The following LATS2 variants were observed in gnomAD, a reference collection of about 807,000 sequenced individuals.
The protein encoded by LATS2 is large tumor suppressor kinase 2.
In LATS2, 24 loss-of-function variants were observed where a neutral mutation model predicts 76.0. That is an observed-to-expected ratio of 0.32 (90% CI 0.23 to 0.44). The LOEUF (loss-of-function observed/expected upper bound fraction) is 0.44. LATS2 is among the 20% of genes least tolerant of loss of function. LATS2 has a pLI of 1.00. For synonymous variants in LATS2, 692 were observed against 635.4 expected, an observed-to-expected ratio of 1.09 and a Z score of -1.34; for missense variants, 1,286 against 1,481.2, an observed-to-expected ratio of 0.87 and a Z score of 2.16.
At chr13:21,031,910 C>T (rs1247932536) in intron 2 of LATS2, among the ~76,000 whole-genome samples, 1 of 152,164 alleles carries the variant, frequency 6.6e-6, no homozygotes, top group Non-Finnish European at 1.5e-5. Flanking sequence ...TTAATTCTGA[C>T]ACATTTCCCT....
chr13:21,011,017 G>A (rs1871574234), intron 2 of LATS2, among the ~76,000 whole-genome samples: 1 of 152,202 alleles, frequency 6.6e-6, no homozygotes, highest in African/African-American at 2.4e-5. Flanking sequence ...ACTGCTCATT[G>A]GAGTAAAGTC....
intron 4 of LATS2, 58 bp downstream of exon 4, chr13:20,987,823 C>A: frequency 6.4e-7 from 1 of 1,566,722 alleles, no homozygotes. Flanking sequence ...TGCGTGCTTC[C>A]TATTGCCAGT....
chr13:21,030,604 A>AG (rs1387134891), intron 2 of LATS2, among the ~76,000 whole-genome samples: 11 of 70,902 alleles, frequency 1.6e-4, no homozygotes, highest in Non-Finnish European at 3.6e-4. Flanking sequence ...AAAAAAAAAA[A>AG]AAAAAAAGAA....
At chr13:21,033,295 A>AC (rs1872593954) in intron 2 of LATS2, among the ~76,000 whole-genome samples, 1 of 152,054 alleles carries the variant, frequency 6.6e-6, no homozygotes, top group South Asian at 2.1e-4. Flanking sequence ...GGGCGAGAGA[A>AC]CACACGCTCC....
chr13:20,981,373 A>T, intron 6 of LATS2, 93 bp downstream of exon 6: 2 of 1,177,644 alleles, frequency 1.7e-6, no homozygotes, highest in Admixed American at 4.7e-5. Context: ...GACTGGAAGC[A>T]TTAGGTCCTT....
chr13:20,991,235 A>T lies in LATS2; in HGVS notation c.475+37T>A. On this transcript the variant is annotated intron_variant, in intron 3 of 7. Transcript: ENST00000382592. This position sits in a 1 kb window ranked among gnomAD's most constrained non-coding sequence, Gnocchi z 4.9. ...TGGTTTTGTTGTCCTTAAGCCACAA[A>T]CCATCTTTGCCCACTATGCTGCAGG... is the stretch of plus-strand genomic sequence containing the variant. 6.2e-7 allele frequency: 1 copy of T among 1,613,182 alleles called. No individual in the cohort carries two copies. The highest frequency in any genetic ancestry group is 1.6e-4 in the Middle Eastern group (1 of 6,062).
In LATS2 at chr13:20,974,793, C is replaced by T; in HGVS notation, c.*77G>A. ...TTAAAACAAAACAGCCCTCGGCTTC[C>T]CTATTGGCCTGTGAGGGCACCGGCT... is the stretch of plus-strand genomic sequence containing the variant. On this transcript the variant is annotated 3_prime_UTR_variant, in exon 8 of 8. Transcript: ENST00000382592. The T allele has an allele frequency of 1.4e-6, 2 of 1,457,614 alleles. No homozygotes were observed. The highest frequency in any genetic ancestry group is 2.3e-5 in the East Asian group (1 of 43,724). The allele number at this position is 1,457,614 out of a possible 1,614,324, so 90.3% of individuals were successfully genotyped here.
chr13:21,032,229 T>C (rs967730522), intron 2 of LATS2, among the ~76,000 whole-genome samples: 15 of 152,344 alleles, frequency 9.8e-5, no homozygotes, highest in South Asian at 6.2e-4. Context: ...TAAATTCACA[T>C]ACAAACTGAT....
intron 2 of LATS2, among the ~76,000 whole-genome samples, chr13:21,009,205 G>A (rs1235611702): frequency 6.6e-6 from 1 of 152,198 alleles, no homozygotes; most frequent in Non-Finnish European, 1.5e-5. Context: ...AGAAGCAGAT[G>A]TGCAAAGGTA....
intron 2 of LATS2, among the ~76,000 whole-genome samples, chr13:21,024,811 C>T (rs1017657137): frequency 2.0e-5 from 3 of 151,658 alleles, no homozygotes; most frequent in Non-Finnish European, 1.5e-5. Context: ...CTCTTTTTTG[C>T]ACTATGTCTT....
chr13:20,999,492 A>G (rs1870942659), intron 2 of LATS2, among the ~76,000 whole-genome samples: 2 of 151,672 alleles, frequency 1.3e-5, no homozygotes, highest in Non-Finnish European at 2.9e-5. Flanking sequence ...TTTTTTTGAC[A>G]GGGTCTTGCT....
In LATS2 at chr13:20,991,316, G is replaced by A; in HGVS notation, c.431C>T (p.Pro144Leu). The A allele has an allele frequency of 1.9e-6, 3 of 1,614,154 alleles. No homozygotes were observed. The highest frequency in any genetic ancestry group is 2.5e-6 in the Non-Finnish European group (3 of 1,180,026). Reference protein sequence around the residue: ...EYISKMGYLDPRNEQIVRVIK... With the variant: ...EYISKMGYLDLRNEQIVRVIK... ...GACCCGCACAATCTGCTCATTCCTC[G>A]GGTCCAGGTAGCCCATCTTGCTGAT... The change falls in exon 3 of 8, where the codon CCG (proline) becomes CTG (leucine). Residue 144 changes from proline (P) to leucine (L), a missense_variant. Coordinates refer to ENST00000382592, the MANE Select transcript of LATS2 (RefSeq NM_014572.3). This position sits in a 1 kb window ranked among gnomAD's most constrained non-coding sequence, Gnocchi z 4.9.
chr13:20,989,350 A>C, intron 3 of LATS2, 46 bp from the exon 4 acceptor site: 1 of 1,603,822 alleles, frequency 6.2e-7, no homozygotes, highest in Non-Finnish European at 8.5e-7. Context: ...GGGTGTGATC[A>C]GTGGGTTCTG....
intron 2 of LATS2, among the ~76,000 whole-genome samples, chr13:21,028,305 A>C (rs1872393697): frequency 2.0e-5 from 3 of 152,142 alleles, no homozygotes; most frequent in Non-Finnish European, 4.4e-5. Flanking sequence ...TATATGTGCC[A>C]CATTTTCTTA....
rs747278695 is a variant in LATS2, at chr13:20,975,151, G to T, written c.2986C>A (p.Pro996Thr). 1 of 1,614,208 alleles carries T rather than the reference G, an allele frequency of 6.2e-7. No homozygotes were observed. ...GGGTCGAAATTCGAGGTGTCCATGG[G>T]GTGGCTGATGGTGGGAACGTAGGGG... is the stretch of plus-strand genomic sequence containing the variant. Reference protein sequence around the residue: ...PAPYVPTISHPMDTSNFDPVD... With the variant: ...PAPYVPTISHTMDTSNFDPVD... The change falls in exon 8 of 8, where the codon CCC becomes ACC. Residue 996 changes from proline to threonine, a missense_variant. Pro to Thr is a conservative substitution (Grantham distance 38, BLOSUM62 -1). Transcript: ENST00000382592.
intron 1 of LATS2, among the ~76,000 whole-genome samples, chr13:21,053,018 C>T (rs185056070): frequency 5.3e-5 from 8 of 152,046 alleles, no homozygotes; most frequent in African/African-American, 1.7e-4. Flanking sequence ...AGGCAGATCA[C>T]GAGGTCAGGA....
chr13:20,996,901 T>C (rs2138308379), intron 2 of LATS2, among the ~76,000 whole-genome samples: 1 of 152,334 alleles, frequency 6.6e-6, no homozygotes, highest in South Asian at 2.1e-4. Flanking sequence ...AAAAATTATT[T>C]TGTCAGATTG....
chr13:20,996,418 C>T (rs1394923931), intron 2 of LATS2, among the ~76,000 whole-genome samples: 1 of 150,386 alleles, frequency 6.6e-6, no homozygotes, highest in Admixed American at 6.7e-5. Flanking sequence ...TCGTTCTGTC[C>T]CCCAGGGTGG....
intron 2 of LATS2, among the ~76,000 whole-genome samples, chr13:21,008,792 A>G (rs1871458280): frequency 6.6e-6 from 1 of 152,216 alleles, no homozygotes; most frequent in Non-Finnish European, 1.5e-5. Flanking sequence ...CATATCTAGT[A>G]AAGTTAAAGA....
Sources: allele counts gnomAD v4.1 joint callset (sites outside exome capture counted in the v4.1 genomes callset), GRCh38; gene constraint gnomAD v4.1.1; non-coding constraint Gnocchi (gnomAD v3.1); transcripts MANE v1.5; gene names NCBI Gene and HGNC (gene_info 2026-07-23, HGNC 2026-07-21).